Variants in AGAP1 observed in about 807,000 individuals in gnomAD.
AGAP1 encodes ArfGAP with GTPase domain, ankyrin repeat and PH domain 1.
A neutral mutation model predicts 105.3 loss-of-function variants in AGAP1; 29 were observed. That is an observed-to-expected ratio of 0.28 (90% confidence interval 0.21 to 0.38). AGAP1 has a LOEUF of 0.38. AGAP1 is among the 10% of genes least tolerant of loss of function. The pLI is 1.00. For synonymous variants in AGAP1, 509 were observed against 485.9 expected, an observed-to-expected ratio of 1.05 and a Z score of -0.63; for missense variants, 998 against 1,165.1, an observed-to-expected ratio of 0.86 and a Z score of 2.09.
At chr2:235,518,407 A>G (rs1362497685) in intron 1 of AGAP1, among the ~76,000 whole-genome samples, 2 of 152,218 alleles carry the variant, frequency 1.3e-5, no homozygotes, top group African/African-American at 4.8e-5. Context: ...TTGGCAATCA[A>G]CCAAATTCCT....
At chr2:235,986,214 T>G (rs1259861633) in intron 13 of AGAP1, among the ~76,000 whole-genome samples, 2 of 152,084 alleles carry the variant, frequency 1.3e-5, no homozygotes, top group African/African-American at 2.4e-5. Flanking sequence ...CCCAGGTATT[T>G]TATTGTCTTT....
chr2:235,908,921 A>G lies in AGAP1; in HGVS notation c.1324+15A>G, dbSNP rs1459728473. 1.2e-6 allele frequency: 2 copies of G among 1,600,994 alleles called. No homozygotes were observed. Among genetic ancestry groups the G allele is most frequent in the Non-Finnish European group, 1.7e-6 (2 of 1,170,098 alleles). ...ACCCAATTCAGGTAAGCTTACAGCA[A>G]ATGCACTAACAAATCAAGTTCAACA... On this transcript the variant is annotated intron_variant, in intron 11 of 17. Transcript: ENST00000304032. The surrounding 1 kb of genome is among the most constrained non-coding windows in gnomAD (Gnocchi z 4.4).
At position 235,566,085 on chromosome 2, in the gene AGAP1, C is replaced by T. The variant is rs7569541; in HGVS notation, c.163+71236C>T. Among the ~76,000 whole-genome samples the T allele has an allele frequency of 0.074, 11,224 of 151,888 alleles. 1,191 individuals are homozygous for T. Among genetic ancestry groups the T allele is most frequent in the East Asian group, 0.32 (1,664 of 5,138 alleles). On this transcript the variant is annotated intron_variant, in intron 1 of 17. Transcript: ENST00000304032. The surrounding 1 kb of genome is among the most constrained non-coding windows in gnomAD (Gnocchi z 5.2). ...TGTCATCTTTCATTTGTCCATTCCT[C>T]GATTTATTATTATTATTATTATTTG...
In AGAP1 at chr2:235,549,661, A is replaced by G. The variant is rs886797618; in HGVS notation, c.163+54812A>G. ...CTAATTTTTTAAAAATGAGCCTAAT[A>G]CTGTTCACGTTTTAGCACCTGGCAA... On this transcript the variant is annotated intron_variant, in intron 1 of 17. Coordinates refer to ENST00000304032, the MANE Select transcript of AGAP1 (RefSeq NM_001037131.3). The surrounding 1 kb of genome is among the most constrained non-coding windows in gnomAD (Gnocchi z 4.2). Among the ~76,000 whole-genome samples the G allele has an allele frequency of 1.8e-4, 28 of 152,180 alleles. No individual in the cohort carries two copies. The highest frequency in any genetic ancestry group is 3.7e-4 in the Non-Finnish European group (25 of 68,038).
In AGAP1 at chr2:235,557,224, G is replaced by A. The variant is rs1418802188; in HGVS notation, c.163+62375G>A. Reference sequence around the variant, plus strand: ...GGTGAAGCCCTGGGAACTGCCACTTGGAATGAGAGGGGAAGGCTGGAACTG... The same window carrying A: ...GGTGAAGCCCTGGGAACTGCCACTTAGAATGAGAGGGGAAGGCTGGAACTG... On this transcript the variant is annotated intron_variant, in intron 1 of 17. Coordinates refer to ENST00000304032, the MANE Select transcript of AGAP1 (RefSeq NM_001037131.3). This position sits in a 1 kb window ranked among gnomAD's most constrained non-coding sequence, Gnocchi z 4.7. Among the ~76,000 whole-genome samples, 2 of 152,100 alleles carry A rather than the reference G, an allele frequency of 1.3e-5. No individual in the cohort carries two copies. The highest frequency in any genetic ancestry group is 2.9e-5 in the Non-Finnish European group (2 of 68,024).
At chr2:235,514,143 TGCATGC>T (rs774587659) in intron 1 of AGAP1, among the ~76,000 whole-genome samples, 9 of 131,224 alleles carry the variant, frequency 6.9e-5, no homozygotes, top group African/African-American at 1.8e-4. Flanking sequence ...TGTGTGCCAG[TGCATGC>T]GCGTGCGCGC....
intron 2 of AGAP1, among the ~76,000 whole-genome samples, chr2:235,711,726 A>G (rs945262945): frequency 1.3e-5 from 2 of 152,130 alleles, no homozygotes; most frequent in African/African-American, 4.8e-5. Flanking sequence ...TGTGCTGAGG[A>G]GTGCTCAGGG....
In AGAP1 at chr2:235,970,393, G is replaced by A. The variant is rs1032389390; in HGVS notation, c.1645+1770G>A. Among the ~76,000 whole-genome samples, 2 of 152,068 alleles carry A rather than the reference G, an allele frequency of 1.3e-5. No individual in the cohort carries two copies. Among genetic ancestry groups the A allele is most frequent in the South Asian group, 2.1e-4 (1 of 4,826 alleles). ...GTTGGTAAGACTCCTTCAGACAACC[G>A]TTGGGCAAAAATCACCCTGCCAAGC... On this transcript the variant is annotated intron_variant, in intron 13 of 17. Transcript: ENST00000304032. The surrounding 1 kb of genome is among the most constrained non-coding windows in gnomAD (Gnocchi z 5.4).
rs1264911156 is a variant in AGAP1, at chr2:236,042,692, T to A, written c.1891+1851T>A. On this transcript the variant is annotated intron_variant, in intron 15 of 17. Transcript: ENST00000304032. The surrounding 1 kb of genome is among the most constrained non-coding windows in gnomAD (Gnocchi z 5.6). ...TCGCAGGTCCTGTCTGAGATGAGCTTGTGCATGTGAGTGCGGATGGGGGGT... is the reference window on the plus strand; with the variant it reads ...TCGCAGGTCCTGTCTGAGATGAGCTAGTGCATGTGAGTGCGGATGGGGGGT... Among the ~76,000 whole-genome samples, 1 of 152,020 alleles carries A rather than the reference T, an allele frequency of 6.6e-6. No individual in the cohort carries two copies. The highest frequency in any genetic ancestry group is 1.9e-4 in the East Asian group (1 of 5,164).
chr2:236,063,205 T>A (rs777330713), intron 16 of AGAP1, among the ~76,000 whole-genome samples: 4 of 152,176 alleles, frequency 2.6e-5, no homozygotes, highest in Non-Finnish European at 5.9e-5. Flanking sequence ...GTGATTCTCC[T>A]GCCTCAGCCT....
chr2:235,601,909 A>G lies in AGAP1; in HGVS notation c.163+107060A>G, dbSNP rs964738178. ...ACCCAGGTCACTGCAGTAACCTCTT[A>G]GCGGGCCTCCGTGCCCCATCCCAAA... On this transcript the variant is annotated intron_variant, in intron 1 of 17. Coordinates refer to ENST00000304032, the MANE Select transcript of AGAP1 (RefSeq NM_001037131.3). This position sits in a 1 kb window ranked among gnomAD's most constrained non-coding sequence, Gnocchi z 4.4. Among the ~76,000 whole-genome samples the G allele has an allele frequency of 1.3e-5, 2 of 152,176 alleles. No individual in the cohort carries two copies. Among genetic ancestry groups the G allele is most frequent in the African/African-American group, 4.8e-5 (2 of 41,446 alleles).
At chr2:235,969,561 C>G (rs1289038271) in intron 13 of AGAP1, among the ~76,000 whole-genome samples, 1 of 152,160 alleles carries the variant, frequency 6.6e-6, no homozygotes. Flanking sequence ...TTCTCTATGG[C>G]TGCCATGCTT....
rs1338228494 is a variant in AGAP1, at chr2:235,600,630, G to T, written c.163+105781G>T. Among the ~76,000 whole-genome samples, 1 of 152,210 alleles carries T rather than the reference G, an allele frequency of 6.6e-6. No individual in the cohort carries two copies. The highest frequency in any genetic ancestry group is 1.9e-4 in the East Asian group (1 of 5,194). On this transcript the variant is annotated intron_variant, in intron 1 of 17. Transcript: ENST00000304032. The surrounding 1 kb of genome is among the most constrained non-coding windows in gnomAD (Gnocchi z 4.8). Reference sequence around the variant, plus strand: ...CAGGCCGAAAGCTGAAGAACTTGGAGCCTGATGTTCGAGGGCAGGAAGCAT... The same window carrying T: ...CAGGCCGAAAGCTGAAGAACTTGGATCCTGATGTTCGAGGGCAGGAAGCAT...
At chr2:235,813,642 A>G (rs948990200) in intron 9 of AGAP1, among the ~76,000 whole-genome samples, 5 of 152,196 alleles carry the variant, frequency 3.3e-5, no homozygotes, top group Non-Finnish European at 5.9e-5. Context: ...CTGGGCGTTG[A>G]CAGCTCCTGA....
Position 235,737,323 on chromosome 2 carries a change from T to C in AGAP1, c.311-3640T>C, listed in dbSNP as rs778843436. On this transcript the variant is annotated intron_variant, in intron 3 of 17. Coordinates refer to ENST00000304032, the MANE Select transcript of AGAP1 (RefSeq NM_001037131.3). This position sits in a 1 kb window ranked among gnomAD's most constrained non-coding sequence, Gnocchi z 4.5. ...ATTACCAGTATCTGGTGTTTGAAAT[T>C]GTAAGATGCTGAAAAGAACTGTTAA... Among the ~76,000 whole-genome samples the C allele has an allele frequency of 1.3e-5, 2 of 152,192 alleles. No individual in the cohort carries two copies. The highest frequency in any genetic ancestry group is 2.9e-5 in the Non-Finnish European group (2 of 68,030).
At chr2:235,561,168 A>G (rs1234864086) in intron 1 of AGAP1, among the ~76,000 whole-genome samples, 4 of 152,164 alleles carry the variant, frequency 2.6e-5, no homozygotes, top group Non-Finnish European at 5.9e-5. Flanking sequence ...CTATGTGAAC[A>G]CAGAGTTTCT....
Position 236,040,786 on chromosome 2 carries a change from G to A in AGAP1, c.1836G>A (p.Leu612=), listed in dbSNP as rs757942074. 6.2e-7 allele frequency: 1 copy of A among 1,613,866 alleles called. No homozygotes were observed. The highest frequency in any genetic ancestry group is 2.2e-5 in the East Asian group (1 of 44,872). The change falls in exon 15 of 18, where the codon CTG becomes CTA. Residue 612 remains leucine (L), a synonymous_variant. Coordinates refer to ENST00000304032, the MANE Select transcript of AGAP1 (RefSeq NM_001037131.3). The surrounding 1 kb of genome is among the most constrained non-coding windows in gnomAD (Gnocchi z 5.6). ...RLTSQSEAMA[L]QSIRNMRGNS... is the part of the protein sequence containing the mutation. ...CGAGCCAGAGCGAGGCCATGGCCCT[G>A]CAGTCGATCCGGAACATGCGCGGGA...
chr2:235,717,531 T>G, intron 2 of AGAP1, 26 bp from the exon 3 acceptor site: 1 of 1,576,258 alleles, frequency 6.3e-7, no homozygotes. Flanking sequence ...TTGATGATGC[T>G]TAACGGTTGT....
intron 1 of AGAP1, among the ~76,000 whole-genome samples, chr2:235,502,737 CTT>C (rs1287241044): frequency 3.9e-5 from 5 of 129,696 alleles, no homozygotes; most frequent in Non-Finnish European, 6.4e-5. Flanking sequence ...TGGGAAAACA[CTT>C]TTCATGGTTC....
Sources: allele counts gnomAD v4.1 joint callset (sites outside exome capture counted in the v4.1 genomes callset), GRCh38; gene constraint gnomAD v4.1.1; non-coding constraint Gnocchi (gnomAD v3.1); transcripts MANE v1.5; gene names NCBI Gene and HGNC (gene_info 2026-07-23, HGNC 2026-07-21).